Variants in MALRD1 observed in about 807,000 individuals in gnomAD.
The protein encoded by MALRD1 is MAM and LDL-receptor class A domain-containing protein 1.
A neutral mutation model predicts 242.1 loss-of-function variants in MALRD1; 247 were observed. The observed-to-expected ratio is 1.02, with a 90% CI of 0.92 to 1.13. The LOEUF is 1.13. Ranked by LOEUF, MALRD1 falls within the 50% of genes most tolerant of loss-of-function variation. The probability of loss-of-function intolerance (pLI) is 0.00; values close to 1 mark genes in which losing one functional copy is unlikely to be tolerated. For missense variants in MALRD1, 2,989 were observed against 2,533.1 expected (o/e 1.18, Z -3.86); for synonymous variants, 995 against 866.6 (o/e 1.15, Z -2.60).
intron 36 of MALRD1, among the ~76,000 whole-genome samples, chr10:19,654,150 T>A (rs1841024468): frequency 6.6e-6 from 1 of 152,100 alleles, no homozygotes; most frequent in South Asian, 2.1e-4. Flanking sequence ...ATTTATCACC[T>A]CCCATAAGCA....
At chr10:19,130,232 T>C (rs950022710) in intron 8 of MALRD1, among the ~76,000 whole-genome samples, 2 of 152,090 alleles carry the variant, frequency 1.3e-5, no homozygotes, top group Admixed American at 1.3e-4. Context: ...TGGGATCAAT[T>C]TTACCAAAAA....
chr10:19,301,335 T>C (rs1588878491), intron 21 of MALRD1, among the ~76,000 whole-genome samples: 1 of 151,902 alleles, frequency 6.6e-6, no homozygotes, highest in African/African-American at 2.4e-5. Flanking sequence ...AGAATTACCA[T>C]TCAATCCAGC....
intron 29 of MALRD1, among the ~76,000 whole-genome samples, chr10:19,454,713 TACACACACACACAC>T (rs35489123): frequency 7.6e-6 from 1 of 132,328 alleles, no homozygotes; most frequent in African/African-American, 2.6e-5. Context: ...CGTGCACACG[TACACACACACACAC>T]ACACACACAC....
At chr10:19,456,549 C>T (rs1201984132) in intron 29 of MALRD1, among the ~76,000 whole-genome samples, 2 of 133,690 alleles carry the variant, frequency 1.5e-5, no homozygotes, top group Non-Finnish European at 3.0e-5. Flanking sequence ...AAAGATAACT[C>T]CATAGAGTTT....
intron 21 of MALRD1, among the ~76,000 whole-genome samples, chr10:19,320,294 C>T (rs993203546): frequency 6.6e-6 from 1 of 151,884 alleles, no homozygotes; most frequent in South Asian, 2.1e-4. Context: ...TTGTTCAGCT[C>T]CCACTTATAA....
At chr10:19,194,176 C>T (rs10827041) in intron 14 of MALRD1, among the ~76,000 whole-genome samples, 25,450 of 151,986 alleles carry the variant, frequency 0.17, 2,302 homozygotes, top group Non-Finnish European at 0.2. Context: ...ACGTTTCAAA[C>T]GCAATTGTGG....
intron 2 of MALRD1, among the ~76,000 whole-genome samples, chr10:19,072,269 G>A (rs1835176136): frequency 6.6e-6 from 1 of 151,830 alleles, no homozygotes; most frequent in Admixed American, 6.6e-5. Context: ...AATATTTTAG[G>A]CTTTTTGGGC....
intron 29 of MALRD1, 185 bp from the exon 30 acceptor site, chr10:19,491,332 A>G (rs1012705211): frequency 2.0e-5 from 15 of 749,476 alleles, no homozygotes; most frequent in Middle Eastern, 2.8e-4. Context: ...AGTAGAGTCT[A>G]TATAACTTGC....
Position 19,204,979 on chromosome 10 carries a change from G to C in MALRD1, c.2292G>C (p.Trp764Cys). 1 of 1,550,764 alleles carries C rather than the reference G, an allele frequency of 6.4e-7. No homozygotes were observed. The highest frequency in any genetic ancestry group is 8.7e-7 in the Non-Finnish European group (1 of 1,147,014). Residue 764 changes from tryptophan (W) to cysteine (C), a missense_variant, in exon 17 of 40, where the codon TGG (tryptophan) becomes TGC (cysteine). Transcript: ENST00000454679. ...MENSHDSTVI[W>C]RVLYNQGKQW... The stretch of plus-strand genomic sequence containing the variant: ...ATTCTCATGACTCAACAGTGATTTG[G>C]AGAGTATTATACAATCAGGGCAAAC...
intron 18 of MALRD1, among the ~76,000 whole-genome samples, chr10:19,212,468 A>G (rs1381215330): frequency 2.0e-5 from 3 of 152,202 alleles, no homozygotes; most frequent in African/African-American, 7.2e-5. Context: ...ATTAATTCGG[A>G]TAAAGCAAGT....
At chr10:19,651,845 G>C (rs1381473727) in intron 36 of MALRD1, among the ~76,000 whole-genome samples, 1 of 152,186 alleles carries the variant, frequency 6.6e-6, no homozygotes, top group African/African-American at 2.4e-5. Flanking sequence ...AAATGACTCT[G>C]ACGAATTTAA....
At chr10:19,099,176 G>A (rs926050311) in intron 4 of MALRD1, among the ~76,000 whole-genome samples, 1 of 152,084 alleles carries the variant, frequency 6.6e-6, no homozygotes, top group Non-Finnish European at 1.5e-5. Context: ...GCATTCACCC[G>A]TGCAAGCTTC....
intron 28 of MALRD1, among the ~76,000 whole-genome samples, chr10:19,432,822 A>G (rs1834194788): frequency 1.3e-5 from 2 of 152,200 alleles, no homozygotes. Flanking sequence ...CATTCCTGAT[A>G]TGTTTTCTCT....
At chr10:19,276,176 T>A (rs573040097) in intron 19 of MALRD1, among the ~76,000 whole-genome samples, 2 of 152,350 alleles carry the variant, frequency 1.3e-5, no homozygotes, top group South Asian at 4.1e-4. Context: ...CTTGACATCC[T>A]GCTTTGGTTA....
chr10:19,681,936 A>C (rs1299082949), intron 36 of MALRD1, among the ~76,000 whole-genome samples: 1 of 147,448 alleles, frequency 6.8e-6, no homozygotes, highest in Non-Finnish European at 1.5e-5. Flanking sequence ...GCTCACTGCT[A>C]CCTCTGTCTC....
At chr10:19,180,985 A>G (rs1402994874) in intron 14 of MALRD1, among the ~76,000 whole-genome samples, 4 of 152,208 alleles carry the variant, frequency 2.6e-5, no homozygotes, top group Admixed American at 2.6e-4. Context: ...GGCATTAATC[A>G]TCAGGGAAAT....
At chr10:19,056,425 C>T (rs1042922743) in intron 1 of MALRD1, among the ~76,000 whole-genome samples, 1 of 151,516 alleles carries the variant, frequency 6.6e-6, no homozygotes, top group Non-Finnish European at 1.5e-5. Flanking sequence ...AAATTTATAT[C>T]TAAGTATTAT....
At chr10:19,314,941 C>G (rs762235050) in intron 21 of MALRD1, among the ~76,000 whole-genome samples, 13 of 149,582 alleles carry the variant, frequency 8.7e-5, no homozygotes, top group Non-Finnish European at 1.6e-4. Flanking sequence ...TTCACTTTAT[C>G]AAGAAAATCT....
At chr10:19,476,613 G>A (rs926867779) in intron 29 of MALRD1, among the ~76,000 whole-genome samples, 1 of 152,162 alleles carries the variant, frequency 6.6e-6, no homozygotes, top group East Asian at 1.9e-4. Context: ...GGGTGGCTAA[G>A]CAATGACTAT....
Sources: gnomAD v4.1 joint callset for allele counts (sites outside exome capture counted in the v4.1 genomes callset) on GRCh38, gnomAD v4.1.1 for gene constraint, MANE v1.5 for transcripts, NCBI Gene and HGNC (gene_info 2026-07-23, HGNC 2026-07-21) for gene names.